Variants in TNFRSF10B observed in about 807,000 individuals in gnomAD.
The protein encoded by TNFRSF10B is tumor necrosis factor receptor superfamily member 10B.
TNFRSF10B carries 35 observed loss-of-function variants against 41.4 expected under a neutral mutation model. The observed-to-expected ratio is 0.85, with a 90% CI of 0.65 to 1.12. The LOEUF (loss-of-function observed/expected upper bound fraction) is 1.12, where lower values mean the gene tolerates loss of function less well. Ranked by LOEUF, TNFRSF10B falls within the 50% of genes most tolerant of loss-of-function variation. TNFRSF10B has a pLI of 0.00. For synonymous variants in TNFRSF10B, 230 were observed against 215.5 expected, an observed-to-expected ratio of 1.07 and a Z score of -0.59; for missense variants, 584 against 552.7, an observed-to-expected ratio of 1.06 and a Z score of -0.57.
chr8:23,053,275 T>C (rs1192615791), intron 1 of TNFRSF10B, among the ~76,000 whole-genome samples: 1 of 152,126 alleles, frequency 6.6e-6, no homozygotes, highest in East Asian at 1.9e-4. Flanking sequence ...ATAATTAAAA[T>C]CCCAAATTTA....
At chr8:23,024,496 A>T (rs1585205031) in intron 7 of TNFRSF10B, among the ~76,000 whole-genome samples, 1 of 152,008 alleles carries the variant, frequency 6.6e-6, no homozygotes, top group South Asian at 2.1e-4. Flanking sequence ...TTTAATTTGT[A>T]ATACTCAAAA....
At chr8:23,047,478 T>G (rs762746392) in intron 1 of TNFRSF10B, among the ~76,000 whole-genome samples, 1 of 151,442 alleles carries the variant, frequency 6.6e-6, no homozygotes, top group Non-Finnish European at 1.5e-5. Flanking sequence ...ATCTAAAATA[T>G]ATAAGGAACT....
chr8:23,040,456 A>AAG (rs1812157731), intron 2 of TNFRSF10B, among the ~76,000 whole-genome samples: 1 of 81,808 alleles, frequency 1.2e-5, no homozygotes, highest in Non-Finnish European at 3.0e-5. Context: ...ATATTTATTA[A>AAG]ATATATATAC....
At chr8:23,052,488 GTGTCAGCCAGGATGGTCTT>G in intron 1 of TNFRSF10B, among the ~76,000 whole-genome samples, 1 of 151,370 alleles carries the variant, frequency 6.6e-6, no homozygotes, top group South Asian at 2.1e-4. Flanking sequence ...GGGTTTCACC[GTGTCAGCCAGGATGGTCTT>G]GATCTCCTGA....
rs1311286604 is a variant in TNFRSF10B, at chr8:23,020,810, T to C, written c.*1861A>G. The C allele has an allele frequency of 2.2e-6, 1 of 454,046 alleles. No individual in the cohort carries two copies. The highest frequency in any genetic ancestry group is 4.4e-6 in the Non-Finnish European group (1 of 226,804). 28.1% of individuals were successfully genotyped at this position (454,046 alleles called of 1,614,324 possible). A position where few individuals can be genotyped will look rare whatever the true frequency, so the allele number is the denominator to read the frequency against. Reference sequence around the variant, plus strand: ...GACCTGGGACCGGACTGGCACCTTCTGAGCCCTGAGGCTGAGCGTCCTGCA... The same window carrying C: ...GACCTGGGACCGGACTGGCACCTTCCGAGCCCTGAGGCTGAGCGTCCTGCA... On this transcript the variant is annotated 3_prime_UTR_variant, in exon 9 of 9. Coordinates refer to ENST00000276431, the MANE Select transcript of TNFRSF10B (RefSeq NM_003842.5).
chr8:23,026,266 G>GTT lies in TNFRSF10B; in HGVS notation c.936+865_936+866dup, dbSNP rs3837204. Among the ~76,000 whole-genome samples the GTT allele has an allele frequency of 3.7e-3, 563 of 151,464 alleles. 5 individuals are homozygous for GTT. The highest frequency in any genetic ancestry group is 0.012 in the African/African-American group (506 of 41,278). On this transcript the variant is annotated intron_variant, in intron 7 of 8. Coordinates refer to ENST00000276431, the MANE Select transcript of TNFRSF10B (RefSeq NM_003842.5). ...TTGACATTTTCAAGGATAAGATCTA[G>GTT]TTTTTTTTTGTTTGTTTGTTTTTTT...
intron 1 of TNFRSF10B, among the ~76,000 whole-genome samples, chr8:23,048,355 G>A (rs1481667218): frequency 6.7e-6 from 1 of 150,180 alleles, no homozygotes; most frequent in Non-Finnish European, 1.5e-5. Flanking sequence ...AGAATCACTT[G>A]AACCCGGGAG....
chr8:23,068,819 G>T lies in TNFRSF10B; in HGVS notation c.76C>A (p.Arg26=). Residue 26 remains arginine (R), a synonymous_variant, in exon 1 of 9, where the codon CGG becomes AGG. Transcript: ENST00000276431. ...ACCCGGGGCCCAGGCCTGGCTCCCC[G>T]CGCCTCCCTGGGTCCTGGGCCGTGC... is the stretch of plus-strand genomic sequence containing the variant. ...KRHGPGPREA[R]GARPGPRVPK... 1 of 1,612,306 alleles carries T rather than the reference G, an allele frequency of 6.2e-7. No individual in the cohort carries two copies. The highest frequency in any genetic ancestry group is 8.5e-7 in the Non-Finnish European group (1 of 1,179,598).
chr8:23,052,476 CG>C (rs1238306826), intron 1 of TNFRSF10B, among the ~76,000 whole-genome samples: 4 of 151,650 alleles, frequency 2.6e-5, no homozygotes, highest in African/African-American at 9.7e-5. Context: ...TTAGTAGAGA[CG>C]GGGTTTCACC....
intron 2 of TNFRSF10B, among the ~76,000 whole-genome samples, chr8:23,032,019 G>C (rs1365939463): frequency 6.6e-6 from 1 of 150,480 alleles, no homozygotes; most frequent in African/African-American, 2.5e-5. Flanking sequence ...TGATTCTCCT[G>C]CCTCAGCCTC....
chr8:23,023,912 C>A (rs1811621870), intron 8 of TNFRSF10B, among the ~76,000 whole-genome samples: 1 of 152,070 alleles, frequency 6.6e-6, no homozygotes, highest in African/African-American at 2.4e-5. Flanking sequence ...TCCTCAGGGG[C>A]AGGCGGGGGC....
intron 2 of TNFRSF10B, among the ~76,000 whole-genome samples, chr8:23,032,095 C>T (rs951763728): frequency 9.9e-5 from 15 of 152,088 alleles, no homozygotes; most frequent in Non-Finnish European, 1.8e-4. Flanking sequence ...TTAGTAGAGA[C>T]GGGGTTTCAC....
At chr8:23,060,826 T>C (rs1812810867) in intron 1 of TNFRSF10B, among the ~76,000 whole-genome samples, 1 of 152,310 alleles carries the variant, frequency 6.6e-6, no homozygotes, top group South Asian at 2.1e-4. Flanking sequence ...TTTATAGTTT[T>C]CATTGTACTA....
At position 23,068,802 on chromosome 8, in the gene TNFRSF10B, C is replaced by A. The variant is rs373092672; in HGVS notation, c.93G>T (p.Gly31=). The part of the protein sequence containing the change: ...GPREARGARP[G]PRVPKTLVLV... ...GCACAAGGGTCTTGGGGACCCGGGG[C>A]CCAGGCCTGGCTCCCCGCGCCTCCC... Residue 31 remains glycine (G), a synonymous_variant, in exon 1 of 9, where the codon GGG becomes GGT. Transcript: ENST00000276431. 3 of 1,610,636 alleles carry A rather than the reference C, an allele frequency of 1.9e-6. No homozygotes were observed. Among genetic ancestry groups the A allele is most frequent in the Non-Finnish European group, 2.5e-6 (3 of 1,178,916 alleles).
intron 2 of TNFRSF10B, among the ~76,000 whole-genome samples, chr8:23,036,856 T>C (rs1397920023): frequency 6.6e-6 from 1 of 152,046 alleles, no homozygotes; most frequent in Non-Finnish European, 1.5e-5. Context: ...AAAAAAGAGA[T>C]CCTGCCACTG....
chr8:23,026,115 A>G (rs1811695078), intron 7 of TNFRSF10B, among the ~76,000 whole-genome samples: 1 of 152,156 alleles, frequency 6.6e-6, no homozygotes, highest in Non-Finnish European at 1.5e-5. Flanking sequence ...AGCATGGAGG[A>G]AGTATTGGCA....
At chr8:23,037,968 C>T (rs1337831798) in intron 2 of TNFRSF10B, among the ~76,000 whole-genome samples, 6 of 152,132 alleles carry the variant, frequency 3.9e-5, no homozygotes, top group African/African-American at 1.2e-4. Context: ...AGGAATGATT[C>T]CATGAGGAGA....
intron 2 of TNFRSF10B, among the ~76,000 whole-genome samples, chr8:23,034,395 C>T (rs1052265650): frequency 1.3e-5 from 2 of 152,276 alleles, no homozygotes; most frequent in Admixed American, 1.3e-4. Flanking sequence ...CAGGTGGAAG[C>T]CACCAGATTT....
intron 1 of TNFRSF10B, chr8:23,049,982 G>A (rs1473685857): frequency 2.0e-5 from 3 of 152,282 alleles, no homozygotes; most frequent in Admixed American, 2.0e-4. Context: ...CAGCTGTCAG[G>A]TGAGGTTTCC....
Sources: gnomAD v4.1 joint callset for allele counts (sites outside exome capture counted in the v4.1 genomes callset) on GRCh38, gnomAD v4.1.1 for gene constraint, MANE v1.5 for transcripts, NCBI Gene and HGNC (gene_info 2026-07-23, HGNC 2026-07-21) for gene names.